Variants in CSPG4 observed in about 807,000 individuals in gnomAD.
CSPG4 encodes the protein chondroitin sulfate proteoglycan 4.
Under a neutral mutation model 139.3 loss-of-function variants are expected in CSPG4, and 74 were observed. The ratio of observed to expected loss-of-function variants is 0.53; its 90% confidence interval spans 0.44 to 0.64. The LOEUF (loss-of-function observed/expected upper bound fraction) is 0.64. Ranked by LOEUF, CSPG4 falls within the 30% of genes least tolerant of loss-of-function variation. CSPG4 has a pLI of 0.00. For synonymous variants in CSPG4, 1,234 were observed against 1,394.2 expected (o/e 0.89, Z 2.56); for missense variants, 2,565 against 3,148.3 (o/e 0.81, Z 4.43).
Position 75,690,510 on chromosome 15 carries a change from G to A in CSPG4, c.555C>T (p.Thr185=), listed in dbSNP as rs779413752. 1.2e-6 allele frequency: 2 copies of A among 1,609,636 alleles called. No individual in the cohort carries two copies. Among genetic ancestry groups the A allele is most frequent in the Non-Finnish European group, 1.7e-6 (2 of 1,179,088 alleles). Reference sequence around the variant, plus strand: ...CAGCACAGCCCTCATGCACATCGGGGGTCAGAGGCCGGAGGAGGCTGCGGC... The same window carrying A: ...CAGCACAGCCCTCATGCACATCGGGAGTCAGAGGCCGGAGGAGGCTGCGGC... The part of the protein sequence containing the change: ...LNGRSLLRPL[T]PDVHEGCAEE... Residue 185 remains threonine (T), a synonymous_variant, in exon 3 of 10, where the codon ACC becomes ACT. Coordinates refer to ENST00000308508, the MANE Select transcript of CSPG4 (RefSeq NM_001897.5).
Position 75,684,858 on chromosome 15 carries a change from T to C in CSPG4, c.4327A>G (p.Ser1443Gly), listed in dbSNP as rs755075119. 9.3e-6 allele frequency: 15 copies of C among 1,613,150 alleles called. No individual in the cohort carries two copies. Among genetic ancestry groups the C allele is most frequent in the South Asian group, 2.2e-5 (2 of 91,066 alleles). Residue 1443 changes from serine (S) to glycine (G), a missense_variant, in exon 5 of 10, where the codon AGT becomes GGT. This residue lies in a region of CSPG4 where 2,316 missense variants were observed against 2,818.2 expected (regional missense o/e 0.82). Transcript: ENST00000308508. ...VHDGSETLTD[S>G]FVLMANASEM... ...GAGGCATTAGCCATCAGGACAAAAC[T>C]GTCTGTCAGTGTCTCGCTCCCGTCA...
chr15:75,708,897 T>C lies in CSPG4; in HGVS notation c.88+3771A>G, dbSNP rs148405120. 1.8e-3 allele frequency among the ~76,000 whole-genome samples: 268 copies of C among 152,264 alleles called. 4 individuals are homozygous for C. The East Asian group carries it at 0.047, about 27-fold the overall frequency. ...ATTACCCTGGTGTGGTGGCACATGC[T>C]TGAAGTCCCAGCTACTCAGGAGGCT... On this transcript the variant is annotated intron_variant, in intron 1 of 9. Transcript: ENST00000308508.
Position 75,687,625 on chromosome 15 carries a change from G to A in CSPG4, c.3440C>T (p.Thr1147Met), listed in dbSNP as rs145300285. 1.3e-4 allele frequency: 202 copies of A among 1,612,258 alleles called. No individual in the cohort carries two copies. In the African/African-American group the frequency reaches 1.4e-3, roughly 11 times the overall value. The stretch of plus-strand genomic sequence containing the variant: ...GTTGGTGTCCAGGTGGAGCACGGCC[G>A]TGTCGATGGTGCCCTGGCCTCCTTG... ...VPQGGQGTIDTAVLHLDTNLD... is the reference protein window; with the variant it reads ...VPQGGQGTIDMAVLHLDTNLD... The change falls in exon 3 of 10, where the codon ACG (threonine) becomes ATG (methionine). Residue 1147 changes from threonine (T) to methionine (M), a missense_variant. Transcript: ENST00000308508. This position sits in a 1 kb window ranked among gnomAD's most constrained non-coding sequence, Gnocchi z 5.4.
Position 75,697,411 on chromosome 15 carries a change from A to G in CSPG4, c.89-4178T>C, listed in dbSNP as rs930181209. Among the ~76,000 whole-genome samples, 7 of 152,236 alleles carry G rather than the reference A, an allele frequency of 4.6e-5. No homozygotes were observed. The South Asian group carries it at 1.4e-3, about 31-fold the overall frequency. ...CAGCATCAGCATTCTCTGTAGCTCA[A>G]GCCTGCTGCAGGGCACTCAGCTTCC... On this transcript the variant is annotated intron_variant, in intron 1 of 9. Transcript: ENST00000308508.
chr15:75,687,749 GCAGCTGGATCCAGCCACGGT>G lies in CSPG4; in HGVS notation c.3296_3315del (p.Asp1099AlafsTer58). 1 of 1,612,956 alleles carries G rather than the reference GCAGCTGGATCCAGCCACGGT, an allele frequency of 6.2e-7. No individual in the cohort carries two copies. The highest frequency in any genetic ancestry group is 1.7e-5 in the Admixed American group (1 of 60,028). ...GCCTGGTGTTGCCCGTCGGACACCT[GCAGCTGGATCCAGCCACGGT>G]CAGCCCCTGAGTGCACGAACAGTAC... On this transcript the variant is annotated frameshift_variant, in exon 3 of 10. Coordinates refer to ENST00000308508, the MANE Select transcript of CSPG4 (RefSeq NM_001897.5). LOFTEE classifies it high-confidence loss of function. The surrounding 1 kb of genome is among the most constrained non-coding windows in gnomAD (Gnocchi z 5.4).
In CSPG4 at chr15:75,688,917, C is replaced by T; in HGVS notation, c.2148G>A (p.Gly716=). 1 of 1,612,444 alleles carries T rather than the reference C, an allele frequency of 6.2e-7. No homozygotes were observed. The highest frequency in any genetic ancestry group is 1.3e-5 in the African/African-American group (1 of 75,062). ...ACTCAGCACCCTCCACCCCACCTGC[C>T]CCCTGCTTCTGCAGCTCCCCAAACT... The part of the protein sequence containing the change: ...ALQFGELQKQ[G]AGGVEGAEWW... The change falls in exon 3 of 10, where the codon GGG becomes GGA. Residue 716 remains glycine (G), a synonymous_variant. Coordinates refer to ENST00000308508, the MANE Select transcript of CSPG4 (RefSeq NM_001897.5).
intron 1 of CSPG4, among the ~76,000 whole-genome samples, chr15:75,700,115 G>A (rs1046843889): frequency 1.4e-4 from 21 of 152,176 alleles, no homozygotes; most frequent in African/African-American, 5.1e-4. Flanking sequence ...GTGCTAGCCT[G>A]TGGAGCAGCG....
At position 75,682,953 on chromosome 15, in the gene CSPG4, A is replaced by G; in HGVS notation, c.4538T>C (p.Ile1513Thr). ...DSGSEDLVYT[I>T]EQPSNGRVVL... ...TACCCGCCCGTTGCTGGGCTGCTCG[A>G]TGGTGTAGACCAGATCCTCAGACCC... The change falls in exon 6 of 10, where the codon ATC (isoleucine) becomes ACC (threonine). Residue 1513 changes from isoleucine to threonine, a missense_variant. By Grantham distance (89) the Ile-to-Thr change is moderately conservative. Around this residue, in one of 5 missense-constraint regions of CSPG4, gnomAD observed 2,316 missense variants for 2,818.2 expected, o/e 0.82. Coordinates refer to ENST00000308508, the MANE Select transcript of CSPG4 (RefSeq NM_001897.5). 1.2e-6 allele frequency: 2 copies of G among 1,611,544 alleles called. No individual in the cohort carries two copies.
chr15:75,689,760 G>T lies in CSPG4; in HGVS notation c.1305C>A (p.Ser435Arg), dbSNP rs566874013. 1.2e-6 allele frequency: 2 copies of T among 1,612,688 alleles called. No individual in the cohort carries two copies. Among genetic ancestry groups the T allele is most frequent in the South Asian group, 2.2e-5 (2 of 91,066 alleles). Reference sequence around the variant, plus strand: ...TGCCCCCCTCGGCCACCACCAGTGGGCTGATAGTCAGCAGCTGGGTGAAAT... The same window carrying T: ...TGCCCCCCTCGGCCACCACCAGTGGTCTGATAGTCAGCAGCTGGGTGAAAT... The part of the protein sequence containing the change: ...FANFTQLLTI[S>R]PLVVAEGGTA... Residue 435 changes from serine (S) to arginine (R), a missense_variant, in exon 3 of 10, where the codon AGC becomes AGA. Ser to Arg is a moderately radical substitution (Grantham distance 110, BLOSUM62 -1). Transcript: ENST00000308508.
rs535393724 is a variant in CSPG4, at chr15:75,676,985, C to T, written c.5534G>A (p.Arg1845Gln). 4.7e-5 allele frequency: 69 copies of T among 1,474,928 alleles called. No homozygotes were observed. The East Asian group carries it at 8.3e-4, about 18-fold the overall frequency. The allele number at this position is 1,474,928 out of a possible 1,614,324, so 91.4% of individuals were successfully genotyped here. ...CCGGGAGATGGGGGCACGAGAGCCT[C>T]GGGTGAGCCGGAGTGGGACAGAGGC... is the stretch of plus-strand genomic sequence containing the variant. Reference protein sequence around the residue: ...PQASVPLRLTRGSRAPISRAQ... With the variant: ...PQASVPLRLTQGSRAPISRAQ... Residue 1845 changes from arginine (R) to glutamine (Q), a missense_variant, in exon 10 of 10, where the codon CGA becomes CAA. By Grantham distance (43) the Arg-to-Gln change is conservative. This residue lies in a region of CSPG4 where 2,316 missense variants were observed against 2,818.2 expected (regional missense o/e 0.82). Transcript: ENST00000308508.
chr15:75,701,563 G>A (rs940098698), intron 1 of CSPG4, among the ~76,000 whole-genome samples: 2 of 152,232 alleles, frequency 1.3e-5, no homozygotes, highest in Non-Finnish European at 1.5e-5. Context: ...CCTGCCAACT[G>A]CCTGGAAGCC....
chr15:75,685,243 G>A lies in CSPG4; in HGVS notation c.4248C>T (p.Thr1416=). ...LQKEDGPQAR[T]LSAFSWRMVE... The stretch of plus-strand genomic sequence containing the variant: ...CCATTCTCCAGGAGAAGGCGCTGAG[G>A]GTCCTGGCTTGAGGTCCGTCCTCCT... The change falls in exon 4 of 10, where the codon ACC becomes ACT. Residue 1416 remains threonine (T), a synonymous_variant. Coordinates refer to ENST00000308508, the MANE Select transcript of CSPG4 (RefSeq NM_001897.5). 1 of 1,524,504 alleles carries A rather than the reference G, an allele frequency of 6.6e-7. No homozygotes were observed. The highest frequency in any genetic ancestry group is 8.8e-7 in the Non-Finnish European group (1 of 1,136,774). The allele number at this position is 1,524,504 out of a possible 1,614,324, so 94.4% of individuals were successfully genotyped here.
chr15:75,712,347 C>A lies in CSPG4; in HGVS notation c.88+321G>T, dbSNP rs151017895. On this transcript the variant is annotated intron_variant, in intron 1 of 9. Transcript: ENST00000308508. ...AACTTGCCTGGCAAACAAAGCTCGG[C>A]CAGCATTGGGGTGGCCCCACTGGTG... 6.2e-3 allele frequency among the ~76,000 whole-genome samples: 943 copies of A among 152,110 alleles called. 20 individuals are homozygous for A. Among genetic ancestry groups the A allele is most frequent in the Admixed American group, 0.043 (665 of 15,300 alleles).
Position 75,698,161 on chromosome 15 carries a change from C to A in CSPG4, c.89-4928G>T, listed in dbSNP as rs1483308762. Among the ~76,000 whole-genome samples the A allele has an allele frequency of 6.6e-6, 1 of 152,160 alleles. No homozygotes were observed. The highest frequency in any genetic ancestry group is 6.5e-5 in the Admixed American group (1 of 15,290). ...CCAAGACGAAGCCAGACTTCTCCAT[C>A]ACCGCCCCTCGGGGTTTGGCACCAC... On this transcript the variant is annotated intron_variant, in intron 1 of 9. Transcript: ENST00000308508. The surrounding 1 kb of genome is among the most constrained non-coding windows in gnomAD (Gnocchi z 4.3).
At chr15:75,678,099 C>T (rs1473866699) in intron 8 of CSPG4, among the ~76,000 whole-genome samples, 5 of 152,210 alleles carry the variant, frequency 3.3e-5, no homozygotes, top group Non-Finnish European at 7.3e-5. Context: ...GCTCAAACCC[C>T]AACTCTGCCA....
chr15:75,701,291 T>G (rs1375275642), intron 1 of CSPG4, among the ~76,000 whole-genome samples: 3 of 152,156 alleles, frequency 2.0e-5, no homozygotes, highest in African/African-American at 7.2e-5. Flanking sequence ...TGTCAGCATC[T>G]AAGGGAACGA....
At chr15:75,694,960 G>A (rs956882937) in intron 1 of CSPG4, among the ~76,000 whole-genome samples, 9 of 152,240 alleles carry the variant, frequency 5.9e-5, no homozygotes, top group African/African-American at 2.2e-4. Flanking sequence ...ACATGGCCCT[G>A]CAGGATAGAG....
rs2141426422 is a variant in CSPG4 at position 75,685,338 on chromosome 15, G to T, written c.4153C>A (p.Pro1385Thr). 6.2e-7 allele frequency: 1 copy of T among 1,608,298 alleles called. No individual in the cohort carries two copies. Among genetic ancestry groups the T allele is most frequent in the South Asian group, 1.1e-5 (1 of 90,604 alleles). Residue 1385 changes from proline (P) to threonine (T), a missense_variant, in exon 4 of 10, where the codon CCC becomes ACC. By Grantham distance (38) the Pro-to-Thr change is conservative. This residue lies in a region of CSPG4 where 2,316 missense variants were observed against 2,818.2 expected (regional missense o/e 0.82). Coordinates refer to ENST00000308508, the MANE Select transcript of CSPG4 (RefSeq NM_001897.5). Reference sequence around the variant, plus strand: ...AGGCCCAGGAGAGTGGGGAAGTAGGGCCCGGAGACACGGAGCAGTGGAGGG... The same window carrying T: ...AGGCCCAGGAGAGTGGGGAAGTAGGTCCCGGAGACACGGAGCAGTGGAGGG... ...LAPPLLRVSG[P>T]YFPTLLGLSL... is the part of the protein sequence containing the mutation.
intron 1 of CSPG4, among the ~76,000 whole-genome samples, chr15:75,708,433 G>A (rs1894401610): frequency 1.4e-5 from 2 of 143,024 alleles, no homozygotes; most frequent in Non-Finnish European, 3.0e-5. Flanking sequence ...AGGGTTTTTT[G>A]AAGGGGATTT....
Sources: allele counts gnomAD v4.1 joint callset (sites outside exome capture counted in the v4.1 genomes callset), GRCh38; gene constraint gnomAD v4.1.1; regional missense constraint gnomAD v4.1.1; non-coding constraint Gnocchi (gnomAD v3.1); transcripts MANE v1.5; gene names NCBI Gene and HGNC (gene_info 2026-07-23, HGNC 2026-07-21).